The following DIP2A variants were observed in gnomAD, a reference collection of about 807,000 sequenced individuals.
The protein encoded by DIP2A is disco-interacting protein 2 homolog A.
DIP2A carries 85 observed loss-of-function variants against 177.4 expected under a neutral mutation model. That is an observed-to-expected ratio of 0.48 (90% confidence interval 0.40 to 0.57). The LOEUF (loss-of-function observed/expected upper bound fraction) is 0.57. DIP2A is among the 20% of genes least tolerant of loss of function. The pLI is 0.00. For synonymous variants in DIP2A, 886 were observed against 881.8 expected (o/e 1.00, Z -0.08); for missense variants, 1,791 against 2,100.2 (o/e 0.85, Z 2.88).
chr21:46,548,257 AC>A (rs920078015), intron 21 of DIP2A, among the ~76,000 whole-genome samples: 7 of 150,482 alleles, frequency 4.7e-5, no homozygotes, highest in Non-Finnish European at 1.0e-4. Flanking sequence ...CAGGGTCATG[AC>A]CCCCCTCACA....
At chr21:46,486,254 G>T (rs186436976) in intron 2 of DIP2A, among the ~76,000 whole-genome samples, 1 of 152,234 alleles carries the variant, frequency 6.6e-6, no homozygotes, top group East Asian at 1.9e-4. Context: ...GCTCAGGCTG[G>T]TGCACAGTGG....
chr21:46,579,417 A>AT, the DIP2A span, among the ~76,000 whole-genome samples: 18,255 of 151,688 alleles, frequency 0.12, 1,460 homozygotes, highest in African/African-American at 0.22. Context: ...GGATTCGTTG[A>AT]TTTTTTTTGA....
At chr21:46,496,166 G>A (rs1486454537) in intron 3 of DIP2A, among the ~76,000 whole-genome samples, 6 of 152,034 alleles carry the variant, frequency 3.9e-5, no homozygotes, top group African/African-American at 7.2e-5. Flanking sequence ...CTCCTAGAGC[G>A]CTGGGATTAC....
At chr21:46,473,428 C>T (rs1469617789) in intron 1 of DIP2A, among the ~76,000 whole-genome samples, 1 of 146,592 alleles carries the variant, frequency 6.8e-6, no homozygotes, top group Non-Finnish European at 1.5e-5. Flanking sequence ...GCACTCCAGC[C>T]TGGGTGCCAC....
chr21:46,480,277 A>T (rs1162229101), intron 1 of DIP2A, among the ~76,000 whole-genome samples: 1 of 152,128 alleles, frequency 6.6e-6, no homozygotes, highest in African/African-American at 2.4e-5. Flanking sequence ...GGCAGGCAAG[A>T]GGGCGTGTGC....
Position 46,567,732 on chromosome 21 carries a change from C to G in DIP2A, c.*110C>G. 1 of 1,333,882 alleles carries G rather than the reference C, an allele frequency of 7.5e-7. No homozygotes were observed. Among genetic ancestry groups the G allele is most frequent in the African/African-American group, 1.5e-5 (1 of 68,024 alleles). 82.6% of individuals were successfully genotyped at this position (1,333,882 alleles called of 1,614,324 possible). A position where few individuals can be genotyped will look rare whatever the true frequency, so the allele number is the denominator to read the frequency against. ...CACCGGGACTCGCCCTTCCTGTGCTCTTACAGATCCCTCTCAACAATCCCC... is the reference window on the plus strand; with the variant it reads ...CACCGGGACTCGCCCTTCCTGTGCTGTTACAGATCCCTCTCAACAATCCCC... On this transcript the variant is annotated 3_prime_UTR_variant, in exon 38 of 38. Transcript: ENST00000417564.
intron 1 of DIP2A, among the ~76,000 whole-genome samples, chr21:46,463,818 C>T (rs1026193839): frequency 1.3e-5 from 2 of 151,704 alleles, no homozygotes; most frequent in African/African-American, 2.4e-5. Context: ...AAGCAATTGT[C>T]CTGTCTTAGC....
intron 18 of DIP2A, 23 bp downstream of exon 18, chr21:46,541,918 G>A (rs752689093): frequency 9.9e-6 from 16 of 1,613,882 alleles, no homozygotes; most frequent in Non-Finnish European, 1.3e-5. Context: ...ACCAGAGTGG[G>A]TCTTTGTCCA....
At chr21:46,509,145 G>T in intron 6 of DIP2A, 112 bp from the exon 7 acceptor site, 1 of 1,225,398 alleles carries the variant, frequency 8.2e-7, no homozygotes, top group African/African-American at 1.5e-5. Flanking sequence ...CCCACACTTG[G>T]ATGGATTTGT....
intron 1 of DIP2A, among the ~76,000 whole-genome samples, chr21:46,475,943 T>A (rs1269217413): frequency 6.6e-6 from 1 of 152,168 alleles, no homozygotes; most frequent in Non-Finnish European, 1.5e-5. Context: ...GTTTTAAAAA[T>A]TATGATGATT....
chr21:46,561,591 C>T (rs1464428407), intron 33 of DIP2A, 157 bp from the exon 34 acceptor site: 1 of 982,420 alleles, frequency 1.0e-6, no homozygotes, highest in East Asian at 2.5e-5. Context: ...GTTGGGGTGT[C>T]CCTGCCATTC....
At chr21:46,495,235 TTCTCTTCTTTCTC>T (rs1568967485) in intron 3 of DIP2A, among the ~76,000 whole-genome samples, 62 of 51,300 alleles carry the variant, frequency 1.2e-3, no homozygotes, top group African/African-American at 5.0e-3. Context: ...TTCTCTTCTC[TTCTCTTCTTTCTC>T]TCTCTCTCTC....
intron 35 of DIP2A, among the ~76,000 whole-genome samples, chr21:46,564,836 A>G (rs746429563): frequency 1.3e-5 from 2 of 152,144 alleles, no homozygotes; most frequent in Non-Finnish European, 2.9e-5. Flanking sequence ...CCCAACCCTG[A>G]GTGTGGCTGG....
At chr21:46,478,005 A>G (rs544663676) in intron 1 of DIP2A, among the ~76,000 whole-genome samples, 9 of 152,164 alleles carry the variant, frequency 5.9e-5, no homozygotes, top group African/African-American at 1.4e-4. Context: ...GGAAGAGGCT[A>G]TCCTTCCCCT....
At chr21:46,561,075 T>C in intron 33 of DIP2A, 1 of 925,612 alleles carries the variant, frequency 1.1e-6, no homozygotes, top group Middle Eastern at 5.6e-4. Flanking sequence ...CATCCCTTTA[T>C]CTGTCACACA....
At chr21:46,482,967 A>G (rs2056449295) in intron 1 of DIP2A, among the ~76,000 whole-genome samples, 1 of 152,224 alleles carries the variant, frequency 6.6e-6, no homozygotes, top group African/African-American at 2.4e-5. Flanking sequence ...GTACAGTTAT[A>G]TCCTGAACCT....
intron 32 of DIP2A, 110 bp downstream of exon 32, chr21:46,558,503 C>T (rs1415376700): frequency 9.1e-7 from 1 of 1,095,052 alleles, no homozygotes; most frequent in Non-Finnish European, 1.3e-6. Context: ...ATTTCTCCTT[C>T]TCTGGGCCTT....
intron 1 of DIP2A, 139 bp downstream of exon 1, chr21:46,459,361 C>G: frequency 1.6e-6 from 1 of 638,168 alleles, no homozygotes; most frequent in Non-Finnish European, 2.5e-6. Context: ...CGCGGCCTCG[C>G]CCCTGGGACC....
intron 3 of DIP2A, among the ~76,000 whole-genome samples, chr21:46,492,666 A>T (rs571156435): frequency 6.6e-6 from 1 of 152,174 alleles, no homozygotes; most frequent in Non-Finnish European, 1.5e-5. Flanking sequence ...CGGTGCCCTT[A>T]TAAGAAGAGG....
Sources: allele counts gnomAD v4.1 joint callset (sites outside exome capture counted in the v4.1 genomes callset), GRCh38; gene constraint gnomAD v4.1.1; transcripts MANE v1.5; gene names NCBI Gene and HGNC (gene_info 2026-07-23, HGNC 2026-07-21).